ATP10B: variants seen among roughly 807,000 people sequenced by gnomAD.
The protein encoded by ATP10B is ATPase phospholipid transporting 10B (putative), also known as phospholipid-transporting ATPase VB.
A neutral mutation model predicts 141.2 loss-of-function variants in ATP10B; 122 were observed. That is an observed-to-expected ratio of 0.86 (90% CI 0.75 to 1.00). ATP10B has a LOEUF of 1.00. ATP10B is among the 50% of genes least tolerant of loss of function. The pLI, the probability that ATP10B is intolerant of heterozygous loss-of-function variation, is 0.00. For missense variants in ATP10B, 1,876 were observed against 1,825.3 expected, an observed-to-expected ratio of 1.03 and a Z score of -0.51; for synonymous variants, 685 against 692.0, an observed-to-expected ratio of 0.99 and a Z score of 0.16.
intron 18 of ATP10B, 35 bp downstream of exon 18, chr5:160,612,703 TTGA>T: frequency 6.4e-7 from 1 of 1,571,034 alleles, no homozygotes; most frequent in Non-Finnish European, 8.7e-7. Flanking sequence ...GCTCTACACG[TTGA>T]TATCTGCAGA....
chr5:160,856,117 T>C (rs1753991915), upstream of ATP10B, among the ~76,000 whole-genome samples: 1 of 151,868 alleles, frequency 6.6e-6, no homozygotes, highest in Non-Finnish European at 1.5e-5. Context: ...AAAAAACTTT[T>C]TGGATTTTGA....
intron 1 of ATP10B, among the ~76,000 whole-genome samples, chr5:160,847,342 G>A (rs919096138): frequency 1.3e-5 from 2 of 152,288 alleles, no homozygotes; most frequent in East Asian, 3.9e-4. Flanking sequence ...CCATTTCTCT[G>A]TTTTTAGGTC....
chr5:160,915,718 T>C, the ATP10B span, among the ~76,000 whole-genome samples: 2 of 152,116 alleles, frequency 1.3e-5, no homozygotes, highest in East Asian at 3.9e-4. Context: ...ATTAGTGGCT[T>C]TCACATGATG....
Position 160,606,833 on chromosome 5 carries a change from G to A in ATP10B, c.3092C>T (p.Thr1031Met), listed in dbSNP as rs373180683. The A allele has an allele frequency of 3.3e-5, 53 of 1,614,006 alleles. No individual in the cohort carries two copies. The highest frequency in any genetic ancestry group is 1.2e-4 in the Admixed American group (7 of 60,000). The change falls in exon 19 of 26, where the codon ACG becomes ATG. Residue 1031 changes from threonine (T) to methionine (M), a missense_variant. Coordinates refer to ENST00000327245, the MANE Select transcript of ATP10B (RefSeq NM_025153.3). ...YCRSVLCCRSTPLQKSMIVKL... is the reference protein window; with the variant it reads ...YCRSVLCCRSMPLQKSMIVKL... Reference sequence around the variant, plus strand: ...GACTATCATACTCTTCTGGAGTGGCGTGGAGCGGCAGCACAGGACGGACCG... The same window carrying A: ...GACTATCATACTCTTCTGGAGTGGCATGGAGCGGCAGCACAGGACGGACCG...
intron 1 of ATP10B, among the ~76,000 whole-genome samples, chr5:160,794,950 G>C (rs1017719333): frequency 6.6e-6 from 1 of 152,086 alleles, no homozygotes; most frequent in Non-Finnish European, 1.5e-5. Context: ...TGCAAGAAAT[G>C]CATTTGTCTC....
At chr5:160,682,525 C>A (rs1377331872) in intron 6 of ATP10B, among the ~76,000 whole-genome samples, 1 of 152,154 alleles carries the variant, frequency 6.6e-6, no homozygotes, top group Non-Finnish European at 1.5e-5. Flanking sequence ...ACAGATGAGT[C>A]TGTGGTCTAA....
rs78307257 is a variant in ATP10B, at chr5:160,774,998, G to A, written c.-331+10561C>T. On this transcript the variant is annotated intron_variant, in intron 2 of 25. Coordinates refer to ENST00000327245, the MANE Select transcript of ATP10B (RefSeq NM_025153.3). ...TACTTATGCCAGCATCGCTGCCTCC[G>A]TGGACCCACCAGGCTCCTATGGAGA... 3.3e-3 allele frequency among the ~76,000 whole-genome samples: 505 copies of A among 152,304 alleles called. 2 individuals are homozygous for A. The highest frequency in any genetic ancestry group is 6.8e-3 in the Middle Eastern group (2 of 294).
chr5:160,652,604 G>A (rs902943822), intron 7 of ATP10B, among the ~76,000 whole-genome samples: 13 of 140,254 alleles, frequency 9.3e-5, no homozygotes, highest in Non-Finnish European at 1.5e-4. Flanking sequence ...GACTACAGGC[G>A]TGCACCACCA....
intron 2 of ATP10B, among the ~76,000 whole-genome samples, chr5:160,725,683 G>T (rs1290661201): frequency 1.3e-5 from 2 of 152,184 alleles, no homozygotes; most frequent in Middle Eastern, 3.2e-3. Flanking sequence ...CTGACCTCGT[G>T]ATCTGCCCGC....
chr5:160,850,765 C>T (rs1753755475), intron 1 of ATP10B, among the ~76,000 whole-genome samples: 1 of 152,120 alleles, frequency 6.6e-6, no homozygotes, highest in Non-Finnish European at 1.5e-5. Flanking sequence ...TGATGTTATA[C>T]TGCTATACTC....
At chr5:160,736,508 A>C (rs923603159) in intron 2 of ATP10B, among the ~76,000 whole-genome samples, 3 of 152,220 alleles carry the variant, frequency 2.0e-5, no homozygotes, top group Non-Finnish European at 4.4e-5. Context: ...TCACGCCTGT[A>C]ATCCCAGCAC....
the ATP10B span, among the ~76,000 whole-genome samples, chr5:160,928,141 G>A: frequency 2.2e-4 from 34 of 152,206 alleles, no homozygotes; most frequent in Admixed American, 1.2e-3. Context: ...AGACTGGCTC[G>A]GTGTCCAGCT....
chr5:160,777,519 TC>T (rs1219121379), intron 2 of ATP10B, among the ~76,000 whole-genome samples: 1 of 152,374 alleles, frequency 6.6e-6, no homozygotes, highest in East Asian at 1.9e-4. Flanking sequence ...TACCTTTCTC[TC>T]ATGGTAGCAT....
chr5:160,785,292 A>G (rs1214081696), intron 2 of ATP10B, among the ~76,000 whole-genome samples: 1 of 152,108 alleles, frequency 6.6e-6, no homozygotes, highest in African/African-American at 2.4e-5. Flanking sequence ...GTGATATATA[A>G]TTTGACAGGT....
the ATP10B span, among the ~76,000 whole-genome samples, chr5:160,883,059 T>A: frequency 6.6e-6 from 1 of 152,074 alleles, no homozygotes; most frequent in South Asian, 2.1e-4. Flanking sequence ...AATATAGGAA[T>A]GGGAAAAGCA....
intron 2 of ATP10B, among the ~76,000 whole-genome samples, chr5:160,756,574 T>C (rs1361245052): frequency 6.6e-6 from 1 of 152,222 alleles, no homozygotes; most frequent in Non-Finnish European, 1.5e-5. Flanking sequence ...TAGTGGGTTG[T>C]AGTGATATTT....
chr5:160,631,070 T>G (rs1202270123), intron 13 of ATP10B, among the ~76,000 whole-genome samples: 3 of 152,216 alleles, frequency 2.0e-5, no homozygotes, highest in Non-Finnish European at 4.4e-5. Context: ...TGTGTATTCA[T>G]GGGGGAAATA....
the ATP10B span, among the ~76,000 whole-genome samples, chr5:160,902,117 C>A: frequency 6.6e-6 from 1 of 152,050 alleles, no homozygotes; most frequent in Non-Finnish European, 1.5e-5. Context: ...AGAAAACTAA[C>A]TAAAAATAAG....
intron 3 of ATP10B, among the ~76,000 whole-genome samples, chr5:160,706,536 T>C (rs886355880): frequency 2.0e-5 from 3 of 152,232 alleles, no homozygotes; most frequent in Admixed American, 1.3e-4. Flanking sequence ...TTGATTTTTC[T>C]ACCTCAACGT....
Sources: gnomAD v4.1 joint callset for allele counts (sites outside exome capture counted in the v4.1 genomes callset) on GRCh38, gnomAD v4.1.1 for gene constraint, MANE v1.5 for transcripts, NCBI Gene and HGNC (gene_info 2026-07-23, HGNC 2026-07-21) for gene names.